The following MARCHF10 variants were observed in gnomAD, a reference collection of about 807,000 sequenced individuals.
The protein encoded by MARCHF10 is probable E3 ubiquitin-protein ligase MARCHF10.
Under a neutral mutation model 76.2 loss-of-function variants are expected in MARCHF10, and 64 were observed. That is an observed-to-expected ratio of 0.84 (90% CI 0.69 to 1.03). The LOEUF (loss-of-function observed/expected upper bound fraction) is 1.03. MARCHF10 is among the 50% of genes least tolerant of loss of function. MARCHF10 has a pLI of 0.00. For synonymous variants in MARCHF10, 340 were observed against 357.5 expected (o/e 0.95, Z 0.55); for missense variants, 875 against 958.0 (o/e 0.91, Z 1.14).
intron 1 of MARCHF10, among the ~76,000 whole-genome samples, chr17:62,802,595 G>C (rs1010517256): frequency 1.3e-5 from 2 of 152,184 alleles, no homozygotes; most frequent in Non-Finnish European, 2.9e-5. Flanking sequence ...CTCTGAAGCA[G>C]AACTATGCGG....
chr17:62,730,592 G>A (rs1398242590), intron 6 of MARCHF10, among the ~76,000 whole-genome samples: 3 of 151,896 alleles, frequency 2.0e-5, no homozygotes, highest in Non-Finnish European at 4.4e-5. Flanking sequence ...CAAAAAACAG[G>A]TTTTTAGAAA....
In MARCHF10 at chr17:62,736,827, ACTT is replaced by A. The variant is rs2091288288; in HGVS notation, c.1038_1040del (p.Arg346del). The stretch of plus-strand genomic sequence containing the variant: ...TTCTCAATGAGCCATGACTGGGCTC[ACTT>A]CTTCTTGAAGAATGACCTCTGCAAT... On this transcript the variant is annotated inframe_deletion, in exon 6 of 11. Transcript: ENST00000311269. 8 of 1,613,926 alleles carry A rather than the reference ACTT, an allele frequency of 5.0e-6. No homozygotes were observed. Among genetic ancestry groups the A allele is most frequent in the African/African-American group, 1.3e-5 (1 of 74,916 alleles).
chr17:62,738,163 A>G lies in MARCHF10; in HGVS notation c.536-831T>C, dbSNP rs766902298. ...TCATACGACATTATAACTTGAGAGT[A>G]CCAAGGCTTAGGGCAGTCACATAAC... On this transcript the variant is annotated intron_variant, in intron 5 of 10. Coordinates refer to ENST00000311269, the MANE Select transcript of MARCHF10 (RefSeq NM_152598.4). This position sits in a 1 kb window ranked among gnomAD's most constrained non-coding sequence, Gnocchi z 4.0. Among the ~76,000 whole-genome samples, 16 of 151,668 alleles carry G rather than the reference A, an allele frequency of 1.1e-4. No homozygotes were observed. Among genetic ancestry groups the G allele is most frequent in the Non-Finnish European group, 2.2e-4 (15 of 67,964 alleles).
chr17:62,737,571 C>A (rs2091330816), intron 5 of MARCHF10: 2 of 509,560 alleles, frequency 3.9e-6, no homozygotes, highest in South Asian at 5.2e-5. Context: ...CCTGAGGATA[C>A]AGATTCTTTC....
At chr17:62,783,976 T>A (rs1446224163) in intron 3 of MARCHF10, among the ~76,000 whole-genome samples, 4 of 151,306 alleles carry the variant, frequency 2.6e-5, no homozygotes, top group Non-Finnish European at 3.0e-5. Context: ...TCCTTCTGAA[T>A]CTATTCCAAT....
intron 7 of MARCHF10, among the ~76,000 whole-genome samples, chr17:62,724,199 T>TC (rs1009953787): frequency 1.3e-5 from 2 of 151,728 alleles, no homozygotes; most frequent in African/African-American, 2.4e-5. Context: ...TTTTTTTTTT[T>TC]TTTGCTTAAA....
At chr17:62,719,617 T>C (rs530907143) in intron 8 of MARCHF10, among the ~76,000 whole-genome samples, 1 of 152,128 alleles carries the variant, frequency 6.6e-6, no homozygotes, top group African/African-American at 2.4e-5. Context: ...TGGTGGTGGG[T>C]TTTTTGTTTG....
At chr17:62,730,038 C>T (rs970717578) in intron 6 of MARCHF10, among the ~76,000 whole-genome samples, 6 of 152,078 alleles carry the variant, frequency 3.9e-5, no homozygotes, top group Non-Finnish European at 5.9e-5. Context: ...AAAAATTAGC[C>T]GGGTGAGGTG....
chr17:62,722,599 T>G lies in MARCHF10; in HGVS notation c.2105-2A>C, dbSNP rs765372203. 1.2e-6 allele frequency: 2 copies of G among 1,610,956 alleles called. No homozygotes were observed. Among genetic ancestry groups the G allele is most frequent in the Non-Finnish European group, 1.7e-6 (2 of 1,178,174 alleles). ...TCTTCACGGCACCAAGATCTGCTCC[T>G]TAAATTGGATAAAGAATTATATGTA... On this transcript the variant is annotated splice_acceptor_variant, in intron 7 of 10. Transcript: ENST00000311269. LOFTEE classifies it high-confidence loss of function.
chr17:62,704,645 C>T (rs926580588), intron 10 of MARCHF10, among the ~76,000 whole-genome samples: 2 of 152,234 alleles, frequency 1.3e-5, no homozygotes, highest in Non-Finnish European at 2.9e-5. Context: ...CACCTGGGTC[C>T]GGTGTGAACA....
intron 3 of MARCHF10, among the ~76,000 whole-genome samples, chr17:62,784,637 C>G (rs1295999394): frequency 1.3e-5 from 2 of 152,178 alleles, no homozygotes; most frequent in Non-Finnish European, 2.9e-5. Context: ...ATTGTCTCAG[C>G]CCAAAATCTC....
chr17:62,717,820 G>A (rs1469594626), intron 8 of MARCHF10, among the ~76,000 whole-genome samples: 1 of 152,182 alleles, frequency 6.6e-6, no homozygotes, highest in Non-Finnish European at 1.5e-5. Flanking sequence ...TGCCCCCTTT[G>A]AGTGTGCCAC....
chr17:62,801,824 C>T (rs2093079930), intron 1 of MARCHF10, 72 bp from the exon 2 acceptor site: 3 of 1,087,418 alleles, frequency 2.8e-6, no homozygotes, highest in Non-Finnish European at 4.3e-6. Flanking sequence ...GATTTATTTT[C>T]ATCTAATTGC....
chr17:62,732,715 G>C (rs997360006), intron 6 of MARCHF10, among the ~76,000 whole-genome samples: 8 of 152,074 alleles, frequency 5.3e-5, no homozygotes, highest in Admixed American at 5.2e-4. Context: ...AGATGGGGCC[G>C]GGCACGGTGG....
At chr17:62,727,300 A>G (rs2090805681) in intron 6 of MARCHF10, among the ~76,000 whole-genome samples, 1 of 152,210 alleles carries the variant, frequency 6.6e-6, no homozygotes, top group East Asian at 1.9e-4. Flanking sequence ...ATAAAAGTGA[A>G]GAAGAGACAG....
chr17:62,729,709 G>A (rs1372954590), intron 6 of MARCHF10, among the ~76,000 whole-genome samples: 1 of 151,832 alleles, frequency 6.6e-6, no homozygotes, highest in Non-Finnish European at 1.5e-5. Context: ...GAGTAGCTGG[G>A]ACTACAGACA....
At chr17:62,762,063 G>T (rs2092218982) in intron 3 of MARCHF10, among the ~76,000 whole-genome samples, 1 of 152,182 alleles carries the variant, frequency 6.6e-6, no homozygotes, top group East Asian at 1.9e-4. Context: ...AGCAGCAGGT[G>T]TCCGCTCAGC....
At position 62,711,359 on chromosome 17, in the gene MARCHF10, G is replaced by T. The variant is rs951041497; in HGVS notation, c.2215-15C>A. On this transcript the variant is annotated splice_polypyrimidine_tract_variant and intron_variant, in intron 8 of 10. Coordinates refer to ENST00000311269, the MANE Select transcript of MARCHF10 (RefSeq NM_152598.4). This position sits in a 1 kb window ranked among gnomAD's most constrained non-coding sequence, Gnocchi z 4.4. ...TCGTTTTGTGCCTACAAATGGAAAA[G>T]AAAGCTCTTCAGTTCATCTGTAAAA... The T allele has an allele frequency of 3.1e-6, 5 of 1,611,260 alleles. No homozygotes were observed. Among genetic ancestry groups the T allele is most frequent in the South Asian group, 1.1e-5 (1 of 91,000 alleles).
chr17:62,755,950 T>C (rs1030044168), intron 4 of MARCHF10, among the ~76,000 whole-genome samples: 4 of 149,856 alleles, frequency 2.7e-5, no homozygotes, highest in Admixed American at 6.6e-5. Context: ...CTCGTCTCCA[T>C]AAAAAGTAAA....
Sources: gnomAD v4.1 joint callset for allele counts (sites outside exome capture counted in the v4.1 genomes callset) on GRCh38, gnomAD v4.1.1 for gene constraint, Gnocchi (gnomAD v3.1) non-coding constraint, MANE v1.5 for transcripts, NCBI Gene and HGNC (gene_info 2026-07-23, HGNC 2026-07-21) for gene names.